Variants in GABRA3 observed in about 807,000 individuals in gnomAD.
GABRA3 encodes the protein gamma-aminobutyric acid receptor subunit alpha-3.
GABRA3 carries 10 observed loss-of-function variants against 30.1 expected under a neutral mutation model. The observed-to-expected ratio is 0.33, with a 90% confidence interval of 0.20 to 0.56. GABRA3 has a LOEUF of 0.56. Ranked by LOEUF, GABRA3 falls within the 20% of genes least tolerant of loss-of-function variation. GABRA3 has a pLI of 0.89. For synonymous variants in GABRA3, 151 were observed against 146.8 expected, an observed-to-expected ratio of 1.03 and a Z score of -0.21; for missense variants, 233 against 392.0, an observed-to-expected ratio of 0.59 and a Z score of 3.42.
chrX:152,425,572 T>A (rs1488282775), intron 1 of GABRA3, among the ~76,000 whole-genome samples: 2 of 111,800 alleles, frequency 1.8e-5, no homozygotes, highest in Non-Finnish European at 3.8e-5. Context: ...CGTTTTCTCA[T>A]GATTAAACTA....
chrX:152,186,582 C>T (rs1280205436), intron 9 of GABRA3, among the ~76,000 whole-genome samples: 1 of 107,304 alleles, frequency 9.3e-6, no homozygotes, highest in African/African-American at 3.4e-5. Context: ...TGCCTCCCTC[C>T]CTTCCTTCCT....
intron 1 of GABRA3, among the ~76,000 whole-genome samples, chrX:152,421,919 G>C (rs187446094): frequency 9.1e-6 from 1 of 109,531 alleles, no homozygotes; most frequent in East Asian, 2.9e-4. Context: ...GCAGGATGGA[G>C]AGCCATAAGA....
intron 4 of GABRA3, among the ~76,000 whole-genome samples, chrX:152,257,370 C>T (rs1938654009): frequency 8.9e-6 from 1 of 112,166 alleles, no homozygotes; most frequent in South Asian, 3.7e-4. Context: ...ACACAAGGCA[C>T]AGGGGACACT....
chrX:152,267,375 G>A lies in GABRA3; in HGVS notation c.331-11377C>T, dbSNP rs1410696019. The stretch of plus-strand genomic sequence containing the variant: ...CTGGGATGAATCTTACTTGATTATG[G>A]TGAATAAACTTTTTAATGTATTGTT... On this transcript the variant is annotated intron_variant, in intron 4 of 9. Transcript: ENST00000370314. 3.2e-4 allele frequency among the ~76,000 whole-genome samples: 36 copies of A among 111,733 alleles called. 1 individual carries two copies. In the Admixed American group the frequency reaches 3.4e-3, roughly 11 times the overall value.
chrX:152,208,687 T>C (rs1430683699), intron 6 of GABRA3, among the ~76,000 whole-genome samples: 1 of 111,554 alleles, frequency 9.0e-6, no homozygotes. Flanking sequence ...TCTTGCTGTA[T>C]TAGTTCACAG....
intron 9 of GABRA3, among the ~76,000 whole-genome samples, chrX:152,174,641 TG>T (rs1358750666): frequency 2.5e-4 from 28 of 112,148 alleles, no homozygotes; most frequent in Middle Eastern, 4.6e-3. Context: ...TGGAGTTGTT[TG>T]TTTTTTTCTT....
chrX:152,304,193 G>T (rs1202319073), intron 3 of GABRA3, among the ~76,000 whole-genome samples: 1 of 111,545 alleles, frequency 9.0e-6, no homozygotes, highest in Non-Finnish European at 1.9e-5. Flanking sequence ...ATAGCATATG[G>T]ATATTAAACC....
At chrX:152,403,776 T>G (rs991001896) in intron 1 of GABRA3, among the ~76,000 whole-genome samples, 1 of 110,097 alleles carries the variant, frequency 9.1e-6, no homozygotes, top group Non-Finnish European at 1.9e-5. Context: ...AAAGCAATGA[T>G]TAAGAGACAG....
intron 3 of GABRA3, among the ~76,000 whole-genome samples, chrX:152,309,726 A>G (rs1939772436): frequency 8.9e-6 from 1 of 111,991 alleles, no homozygotes; most frequent in Non-Finnish European, 1.9e-5. Flanking sequence ...CTACAAAGCA[A>G]GTCTACATAA....
chrX:152,251,052 G>A, intron 5 of GABRA3: 1 of 296,001 alleles, frequency 3.4e-6, no homozygotes, highest in Middle Eastern at 4.9e-4. Flanking sequence ...AAAAGAGCCA[G>A]GCTTTTATTT....
intron 2 of GABRA3, among the ~76,000 whole-genome samples, chrX:152,358,563 G>A (rs1022305303): frequency 9.0e-6 from 1 of 111,139 alleles, no homozygotes; most frequent in African/African-American, 3.3e-5. Flanking sequence ...GCTCTGGCTA[G>A]GACTTCAGTA....
intron 9 of GABRA3, chrX:152,171,317 C>A: frequency 3.7e-6 from 1 of 270,461 alleles, no homozygotes. Flanking sequence ...GGAGAAGCAG[C>A]AATCACGTTA....
At chrX:152,232,993 T>C (rs1157713333) in intron 5 of GABRA3, among the ~76,000 whole-genome samples, 1 of 111,143 alleles carries the variant, frequency 9.0e-6, no homozygotes, top group Non-Finnish European at 1.9e-5. Context: ...GTTTGTTTGT[T>C]TTTGCATTTT....
intron 1 of GABRA3, among the ~76,000 whole-genome samples, chrX:152,440,505 G>C (rs148512234): frequency 2.7e-5 from 3 of 111,950 alleles, no homozygotes; most frequent in Non-Finnish European, 5.6e-5. Context: ...TTGACCCAGC[G>C]ATCCCATTAC....
rs777598355 is a variant in GABRA3 at position 152,232,450 on chromosome X, T to G, written c.552-7605A>C. Among the ~76,000 whole-genome samples, 13 of 110,215 alleles carry G rather than the reference T, an allele frequency of 1.2e-4. No individual in the cohort carries two copies. The South Asian group carries it at 1.9e-3, about 17-fold the overall frequency. ...CCTTTCAACTCTCCAATGTCTATTA[T>G]TCCACTCTCTATGTCGATGTGTATA... On this transcript the variant is annotated intron_variant, in intron 5 of 9. Transcript: ENST00000370314.
At chrX:152,389,343 G>A (rs887891183) in intron 1 of GABRA3, 1 of 111,723 alleles carries the variant, frequency 9.0e-6, no homozygotes, top group African/African-American at 3.3e-5. Flanking sequence ...GAAATAAATG[G>A]ACATAGTACA....
Position 152,300,298 on chromosome X carries a change from C to T in GABRA3, c.263-15563G>A, listed in dbSNP as rs770924475. On this transcript the variant is annotated intron_variant, in intron 3 of 9. Transcript: ENST00000370314. ...TGGTACATGTGTGAAAGAAACCAAA[C>T]ATAGCCTAGTAAAGTCTTTGAAAAC... Among the ~76,000 whole-genome samples, 6 of 111,542 alleles carry T rather than the reference C, an allele frequency of 5.4e-5. No homozygotes were observed. The East Asian group carries it at 1.1e-3, about 21-fold the overall frequency.
At chrX:152,202,389 T>C (rs1470037001) in intron 7 of GABRA3, among the ~76,000 whole-genome samples, 1 of 111,747 alleles carries the variant, frequency 8.9e-6, no homozygotes, top group Admixed American at 9.5e-5. Flanking sequence ...TATAAAAGTG[T>C]GTGCAGCAAA....
intron 6 of GABRA3, among the ~76,000 whole-genome samples, chrX:152,211,500 A>G (rs1937628463): frequency 8.9e-6 from 1 of 111,741 alleles, no homozygotes; most frequent in Admixed American, 9.6e-5. Flanking sequence ...GATAGAGGGC[A>G]AAGCAGGAAA....
Sources: gnomAD v4.1 joint callset for allele counts (sites outside exome capture counted in the v4.1 genomes callset) on GRCh38, gnomAD v4.1.1 for gene constraint, MANE v1.5 for transcripts, NCBI Gene and HGNC (gene_info 2026-07-23, HGNC 2026-07-21) for gene names.